ANOS1: variants seen among roughly 807,000 people sequenced by gnomAD.
The protein encoded by ANOS1 is anosmin 1.
A neutral mutation model predicts 59.0 loss-of-function variants in ANOS1; 6 were observed. That is an observed-to-expected ratio of 0.10 (90% CI 0.06 to 0.20). The LOEUF (loss-of-function observed/expected upper bound fraction) is 0.20. Among genes scored for constraint, ANOS1 ranks in the 10% least tolerant of loss-of-function variants. The pLI, the probability that ANOS1 is intolerant of heterozygous loss-of-function variation, is 1.00. For synonymous variants in ANOS1, 217 were observed against 223.4 expected, an observed-to-expected ratio of 0.97 and a Z score of 0.25; for missense variants, 433 against 542.3, an observed-to-expected ratio of 0.80 and a Z score of 2.00.
intron 2 of ANOS1, among the ~76,000 whole-genome samples, chrX:8,625,825 G>A (rs1364909255): frequency 9.0e-6 from 1 of 110,858 alleles, no homozygotes; most frequent in Admixed American, 9.7e-5. Flanking sequence ...AAAAAGAACT[G>A]CCATTGGCCG....
intron 1 of ANOS1, among the ~76,000 whole-genome samples, chrX:8,725,741 G>GAT (rs199927471): frequency 4.4e-4 from 10 of 22,938 alleles, no homozygotes; most frequent in East Asian, 1.7e-3. Flanking sequence ...TATATATACA[G>GAT]ATATATATAT....
At chrX:8,644,054 C>T (rs1931710157) in intron 2 of ANOS1, among the ~76,000 whole-genome samples, 1 of 111,385 alleles carries the variant, frequency 9.0e-6, no homozygotes, top group South Asian at 3.8e-4. Context: ...TTCTAAGGAC[C>T]TTCTGAGGGC....
rs370332855 is a variant in ANOS1, at chrX:8,619,372, A to G, written c.318+4236T>C. On this transcript the variant is annotated intron_variant, in intron 3 of 13. Coordinates refer to ENST00000262648, the MANE Select transcript of ANOS1 (RefSeq NM_000216.4). ...TGTAATCCCAGCACTTTGGGAGGCC[A>G]AGGCGGGCGGATCACAAGGTCAGGA... is the stretch of plus-strand genomic sequence containing the variant. 2.0e-3 allele frequency among the ~76,000 whole-genome samples: 222 copies of G among 111,517 alleles called. 1 individual carries two copies. The highest frequency in any genetic ancestry group is 2.1e-3 in the Non-Finnish European group (109 of 53,039).
intron 2 of ANOS1, among the ~76,000 whole-genome samples, chrX:8,652,526 A>C (rs1396919404): frequency 8.9e-6 from 1 of 112,035 alleles, no homozygotes; most frequent in Non-Finnish European, 1.9e-5. Context: ...CAATTCCTAC[A>C]ATGCAAGTAT....
chrX:8,673,271 G>C (rs1403023383), intron 2 of ANOS1, among the ~76,000 whole-genome samples: 1 of 107,010 alleles, frequency 9.3e-6, no homozygotes, highest in South Asian at 4.2e-4. Flanking sequence ...AAATTGGCAG[G>C]CCATACTAAA....
At chrX:8,627,091 C>T (rs1286062177) in intron 2 of ANOS1, among the ~76,000 whole-genome samples, 2 of 111,976 alleles carry the variant, frequency 1.8e-5, no homozygotes, top group Non-Finnish European at 3.8e-5. Context: ...ACACTCTTGC[C>T]ACTGCAAGGT....
intron 2 of ANOS1, among the ~76,000 whole-genome samples, chrX:8,694,383 A>T (rs1932652979): frequency 8.9e-6 from 1 of 112,805 alleles, no homozygotes; most frequent in Non-Finnish European, 1.9e-5. Context: ...TTCTTAAAGT[A>T]ATAGGTCGGG....
chrX:8,700,825 A>G (rs1299961829), intron 1 of ANOS1, among the ~76,000 whole-genome samples: 1 of 111,464 alleles, frequency 9.0e-6, no homozygotes, highest in Non-Finnish European at 1.9e-5. Flanking sequence ...CCTGGCCAAC[A>G]TGGTGAAACC....
At chrX:8,706,747 GC>G in intron 1 of ANOS1, among the ~76,000 whole-genome samples, 1 of 111,596 alleles carries the variant, frequency 9.0e-6, no homozygotes, top group East Asian at 2.8e-4. Flanking sequence ...CAGGAGGAGG[GC>G]TTTCTTTATA....
chrX:8,624,016 T>C (rs368155762), intron 2 of ANOS1, among the ~76,000 whole-genome samples: 980 of 36,536 alleles, frequency 0.027, 3 homozygotes, highest in Middle Eastern at 0.089. Context: ...CTTTTCTTTT[T>C]TTTTTTTTTT....
At chrX:8,660,962 G>A (rs1932027577) in intron 2 of ANOS1, among the ~76,000 whole-genome samples, 1 of 111,455 alleles carries the variant, frequency 9.0e-6, no homozygotes, top group Non-Finnish European at 1.9e-5. Flanking sequence ...GGATCTAGGT[G>A]GATGGGTCAG....
intron 10 of ANOS1, among the ~76,000 whole-genome samples, chrX:8,537,209 G>A (rs1056704802): frequency 9.0e-6 from 1 of 111,538 alleles, no homozygotes; most frequent in Non-Finnish European, 1.9e-5. Context: ...TTCTAAGGTC[G>A]CAATCAGCAT....
At chrX:8,576,489 CAT>C (rs1481126276) in intron 6 of ANOS1, among the ~76,000 whole-genome samples, 331 of 95,057 alleles carry the variant, frequency 3.5e-3, no homozygotes, top group Non-Finnish European at 4.9e-3. Context: ...CACACACACA[CAT>C]ACACACACAC....
chrX:8,679,693 G>A (rs1046134337), intron 2 of ANOS1, among the ~76,000 whole-genome samples: 1 of 111,013 alleles, frequency 9.0e-6, no homozygotes, highest in Non-Finnish European at 1.9e-5. Flanking sequence ...AGTTTGGTAA[G>A]ATGAAAAAGT....
At chrX:8,717,777 C>T (rs1463705590) in intron 1 of ANOS1, among the ~76,000 whole-genome samples, 1 of 112,170 alleles carries the variant, frequency 8.9e-6, no homozygotes, top group Non-Finnish European at 1.9e-5. Context: ...TTGGGAAGCC[C>T]AGATGGGAGG....
chrX:8,533,756 C>G (rs918247799), intron 13 of ANOS1, among the ~76,000 whole-genome samples: 4 of 111,386 alleles, frequency 3.6e-5, no homozygotes, highest in Non-Finnish European at 7.5e-5. Context: ...GAAGAAAATT[C>G]ATAATATTTA....
intron 2 of ANOS1, among the ~76,000 whole-genome samples, chrX:8,668,255 T>C (rs781585600): frequency 2.8e-5 from 3 of 107,094 alleles, no homozygotes; most frequent in Admixed American, 1.0e-4. Context: ...ATAGCTTAGC[T>C]CCCACTTAGG....
At chrX:8,552,407 C>T (rs1929871368) in intron 9 of ANOS1, among the ~76,000 whole-genome samples, 2 of 112,264 alleles carry the variant, frequency 1.8e-5, no homozygotes, top group Admixed American at 9.5e-5. Context: ...TTAATAGCTC[C>T]ACATCTGAAT....
At chrX:8,713,838 C>A (rs1932827021) in intron 1 of ANOS1, among the ~76,000 whole-genome samples, 1 of 110,883 alleles carries the variant, frequency 9.0e-6, no homozygotes, top group South Asian at 3.9e-4. Context: ...GTCTTGAACT[C>A]CTGACCTCAG....
Sources: gnomAD v4.1 joint callset for allele counts (sites outside exome capture counted in the v4.1 genomes callset) on GRCh38, gnomAD v4.1.1 for gene constraint, MANE v1.5 for transcripts, NCBI Gene and HGNC (gene_info 2026-07-23, HGNC 2026-07-21) for gene names.